Variants in TDRP observed in about 807,000 individuals in gnomAD.
TDRP encodes the protein testis development-related protein.
Under a neutral mutation model 10.5 loss-of-function variants are expected in TDRP, and 12 were observed. The ratio of observed to expected loss-of-function variants is 1.15; its 90% CI spans 0.73 to 1.86. TDRP has a LOEUF of 1.86. Ranked by LOEUF, TDRP falls within the 40% of genes most tolerant of loss-of-function variation. The pLI, the probability that TDRP is intolerant of heterozygous loss-of-function variation, is 0.00. For synonymous variants in TDRP, 139 were observed against 95.4 expected (o/e 1.46, Z -2.67); for missense variants, 353 against 229.2 (o/e 1.54, Z -3.49).
chr8:534,021 G>A lies in TDRP; in HGVS notation c.108+10629C>T, dbSNP rs557680414. The stretch of plus-strand genomic sequence containing the variant: ...TCAGTGCTTTCAAAAGGCACTGATT[G>A]TTGAAGCCCTAGTTATTTAATATTT... On this transcript the variant is annotated intron_variant, in intron 1 of 2. Coordinates refer to ENST00000324079, the MANE Select transcript of TDRP (RefSeq NM_001384899.1). 3.9e-5 allele frequency among the ~76,000 whole-genome samples: 6 copies of A among 152,310 alleles called. No individual in the cohort carries two copies. The South Asian group carries it at 1.2e-3, about 32-fold the overall frequency.
chr8:518,465 A>C (rs114982461), intron 1 of TDRP, among the ~76,000 whole-genome samples: 68 of 152,348 alleles, frequency 4.5e-4, no homozygotes, highest in African/African-American at 1.5e-3. Flanking sequence ...AAAGTATATA[A>C]AAGAACAAAG....
intron 1 of TDRP, among the ~76,000 whole-genome samples, chr8:496,925 A>G (rs1692995658): frequency 6.6e-6 from 1 of 152,152 alleles, no homozygotes; most frequent in Non-Finnish European, 1.5e-5. Context: ...GCTGCCACAT[A>G]AGATGTGCCT....
At chr8:507,757 T>G (rs6991168) in intron 1 of TDRP, among the ~76,000 whole-genome samples, 1 of 151,894 alleles carries the variant, frequency 6.6e-6, no homozygotes, top group African/African-American at 2.4e-5. Flanking sequence ...GAACAGTCAG[T>G]ACCCAGAGTG....
At position 513,110 on chromosome 8, in the gene TDRP, C is replaced by CAAA. The variant is rs36060467; in HGVS notation, c.109-18516_109-18514dup. Among the ~76,000 whole-genome samples the CAAA allele has an allele frequency of 3.4e-3, 494 of 147,120 alleles. 2 individuals carry two copies. Among genetic ancestry groups the CAAA allele is most frequent in the South Asian group, 0.016 (72 of 4,640 alleles). ...TTAATACCAATTCTTCACACTATTTCAAAAAAAAAAAAATAGAAGAGCAAG... is the reference window on the plus strand; with the variant it reads ...TTAATACCAATTCTTCACACTATTTCAAAAAAAAAAAAAAAATAGAAGAGCAAG... On this transcript the variant is annotated intron_variant, in intron 1 of 2. Transcript: ENST00000324079.
At chr8:516,023 A>G (rs1801748968) in intron 1 of TDRP, among the ~76,000 whole-genome samples, 1 of 152,220 alleles carries the variant, frequency 6.6e-6, no homozygotes, top group Non-Finnish European at 1.5e-5. Context: ...AGTTTCCTTA[A>G]AAATTACATT....
chr8:524,947 T>C (rs74652364), intron 1 of TDRP, among the ~76,000 whole-genome samples: 16,178 of 152,158 alleles, frequency 0.11, 1,066 homozygotes, highest in African/African-American at 0.18. Flanking sequence ...AAGACATCTA[T>C]ATTCAAGTAC....
At chr8:496,206 C>CA (rs1490113762) in intron 1 of TDRP, among the ~76,000 whole-genome samples, 5 of 152,236 alleles carry the variant, frequency 3.3e-5, no homozygotes, top group African/African-American at 1.2e-4. Context: ...AAACCGATCA[C>CA]ACAACCCATG....
intron 1 of TDRP, among the ~76,000 whole-genome samples, chr8:508,003 A>T (rs1486150428): frequency 6.6e-6 from 1 of 152,228 alleles, no homozygotes; most frequent in African/African-American, 2.4e-5. Context: ...ATACATCAGA[A>T]AACAACAGCA....
chr8:545,339 T>G (rs1314830630), upstream of TDRP, among the ~76,000 whole-genome samples: 2 of 124,334 alleles, frequency 1.6e-5, no homozygotes, highest in African/African-American at 6.4e-5. Flanking sequence ...TATCCCCGGT[T>G]CCCTGGGTCC....
intron 1 of TDRP, among the ~76,000 whole-genome samples, chr8:543,252 G>C (rs546974407): frequency 6.6e-6 from 1 of 152,136 alleles, no homozygotes; most frequent in African/African-American, 2.4e-5. Flanking sequence ...GGTTGAGGCC[G>C]TAGTGAGCCG....
intron 1 of TDRP, among the ~76,000 whole-genome samples, chr8:524,793 G>A (rs1004750498): frequency 6.6e-6 from 1 of 152,154 alleles, no homozygotes; most frequent in Admixed American, 6.5e-5. Context: ...AAAAAACAAT[G>A]AGGCTTGCTT....
intron 1 of TDRP, among the ~76,000 whole-genome samples, chr8:509,936 G>T (rs777023497): frequency 6.6e-6 from 1 of 152,168 alleles, no homozygotes; most frequent in African/African-American, 2.4e-5. Context: ...AACTGCTTGG[G>T]GCAAACCTGA....
chr8:503,710 A>G (rs1388300447), intron 1 of TDRP, among the ~76,000 whole-genome samples: 2 of 143,504 alleles, frequency 1.4e-5, no homozygotes, highest in Non-Finnish European at 3.0e-5. Flanking sequence ...ACACACCAGC[A>G]TGGAATCCAG....
chr8:512,207 C>T (rs146206323), intron 1 of TDRP, among the ~76,000 whole-genome samples: 20 of 151,768 alleles, frequency 1.3e-4, no homozygotes, highest in African/African-American at 4.3e-4. Flanking sequence ...AGGTGGATCA[C>T]GAGGTGGAGA....
At chr8:509,262 C>T (rs868381503) in intron 1 of TDRP, among the ~76,000 whole-genome samples, 29 of 152,224 alleles carry the variant, frequency 1.9e-4, no homozygotes, top group African/African-American at 6.5e-4. Context: ...TTACACTAGA[C>T]AGTGCCCCAG....
At chr8:544,033 G>A (rs1041395219) in intron 1 of TDRP, among the ~76,000 whole-genome samples, 1 of 152,096 alleles carries the variant, frequency 6.6e-6, no homozygotes, top group Non-Finnish European at 1.5e-5. Context: ...CTCTACACTC[G>A]TCAGGTAAAG....
In TDRP at chr8:492,364, C is replaced by T. The variant is rs1266620219; in HGVS notation, c.*35G>A. 4.8e-6 allele frequency: 7 copies of T among 1,459,818 alleles called. No individual in the cohort carries two copies. The South Asian group carries it at 6.0e-5, about 13-fold the overall frequency. 90.4% of individuals were successfully genotyped at this position (1,459,818 alleles called of 1,614,324 possible). A position where few individuals can be genotyped will look rare whatever the true frequency, so the allele number is the denominator to read the frequency against. ...ACTACATGGTATACTCATAAAAGGCCACCATGTCGGGGCACACTTGCCACG... is the reference window on the plus strand; with the variant it reads ...ACTACATGGTATACTCATAAAAGGCTACCATGTCGGGGCACACTTGCCACG... On this transcript the variant is annotated 3_prime_UTR_variant, in exon 3 of 3. Coordinates refer to ENST00000324079, the MANE Select transcript of TDRP (RefSeq NM_001384899.1).
At chr8:512,182 T>C (rs558047304) in intron 1 of TDRP, among the ~76,000 whole-genome samples, 8 of 150,724 alleles carry the variant, frequency 5.3e-5, no homozygotes, top group East Asian at 1.9e-4. Context: ...TCCCAGCAAA[T>C]TGGAAGGCCA....
At chr8:519,215 G>C (rs1022653014) in intron 1 of TDRP, among the ~76,000 whole-genome samples, 2 of 152,302 alleles carry the variant, frequency 1.3e-5, no homozygotes, top group South Asian at 2.1e-4. Context: ...CATGTGCTGA[G>C]AGCATGCATG....
Sources: gnomAD v4.1 joint callset for allele counts (sites outside exome capture counted in the v4.1 genomes callset) on GRCh38, gnomAD v4.1.1 for gene constraint, MANE v1.5 for transcripts, NCBI Gene and HGNC (gene_info 2026-07-23, HGNC 2026-07-21) for gene names.